Variants in TNRC6A observed in about 807,000 individuals in gnomAD.
TNRC6A encodes the protein trinucleotide repeat containing adaptor 6A.
Under a neutral mutation model 221.2 loss-of-function variants are expected in TNRC6A, and 44 were observed. The observed-to-expected ratio is 0.20, with a 90% CI of 0.16 to 0.26. The LOEUF is 0.26. TNRC6A is among the 10% of genes least tolerant of loss of function. The pLI is 1.00. For synonymous variants in TNRC6A, 847 were observed against 838.5 expected, an observed-to-expected ratio of 1.01 and a Z score of -0.18; for missense variants, 2,199 against 2,404.4, an observed-to-expected ratio of 0.91 and a Z score of 1.79.
chr16:24,648,373 C>A (rs568224531), intron 2 of TNRC6A, among the ~76,000 whole-genome samples: 4 of 150,172 alleles, frequency 2.7e-5, no homozygotes, highest in African/African-American at 9.8e-5. Flanking sequence ...CCAGTTCAAG[C>A]GATTCTCCTG....
chr16:24,743,449 T>A (rs1006027347), intron 2 of TNRC6A, among the ~76,000 whole-genome samples: 1 of 152,012 alleles, frequency 6.6e-6, no homozygotes, highest in Non-Finnish European at 1.5e-5. Context: ...CCTCATCCTC[T>A]CGAGTAGTTG....
At chr16:24,778,585 C>A in intron 5 of TNRC6A, 1 of 711,938 alleles carries the variant, frequency 1.4e-6, no homozygotes, top group Non-Finnish European at 1.7e-6. Flanking sequence ...TGAGCTTGGC[C>A]ATAACACATC....
At chr16:24,737,361 TA>T (rs1050078538) in intron 2 of TNRC6A, among the ~76,000 whole-genome samples, 1 of 151,782 alleles carries the variant, frequency 6.6e-6, no homozygotes, top group African/African-American at 2.4e-5. Flanking sequence ...CTTTCCATCT[TA>T]AAAAAAAGCC....
At chr16:24,633,540 G>A (rs1469439152) in intron 1 of TNRC6A, among the ~76,000 whole-genome samples, 3 of 151,926 alleles carry the variant, frequency 2.0e-5, no homozygotes, top group Non-Finnish European at 4.4e-5. Flanking sequence ...GATTACAGGC[G>A]TGTGCCACCA....
In TNRC6A at chr16:24,687,568, G is replaced by A. The variant is rs568305171; in HGVS notation, n.402+46559G>A. ...CTTTGGGAGGCCAAAGCAGGAGGAT[G>A]TCTTGAGTCCAGAGGTTCAACATTA... is the stretch of plus-strand genomic sequence containing the variant. On this transcript the variant is annotated intron_variant and non_coding_transcript_variant, in intron 2 of 2. Coordinates refer to the TNRC6A transcript ENST00000566108. 1.6e-3 allele frequency among the ~76,000 whole-genome samples: 245 copies of A among 152,276 alleles called. 3 individuals carry two copies. The highest frequency in any genetic ancestry group is 1.5e-3 in the East Asian group (8 of 5,172).
At chr16:24,718,720 G>A (rs1176374120) in intron 2 of TNRC6A, among the ~76,000 whole-genome samples, 1 of 152,062 alleles carries the variant, frequency 6.6e-6, no homozygotes, top group Non-Finnish European at 1.5e-5. Flanking sequence ...CCTCTTTGGT[G>A]GTGATGTGGA....
chr16:24,803,939 C>A, intron 11 of TNRC6A: 1 of 402,666 alleles, frequency 2.5e-6, no homozygotes, highest in Non-Finnish European at 4.3e-6. Context: ...CAGCCAGCCA[C>A]CTTCTGTTTA....
chr16:24,622,326 T>G (rs1475603060), intron 1 of TNRC6A, among the ~76,000 whole-genome samples: 1 of 152,122 alleles, frequency 6.6e-6, no homozygotes, highest in African/African-American at 2.4e-5. Context: ...GAAGGCCAGG[T>G]GCTGTGGCTC....
At chr16:24,745,803 C>CT (rs1039608138) in intron 2 of TNRC6A, among the ~76,000 whole-genome samples, 6 of 148,230 alleles carry the variant, frequency 4.0e-5, no homozygotes, top group African/African-American at 1.5e-4. Context: ...CATCCCCCCC[C>CT]CCCCCAGCTA....
chr16:24,821,518 C>G (rs2058765395), intron 22 of TNRC6A, among the ~76,000 whole-genome samples: 1 of 152,106 alleles, frequency 6.6e-6, no homozygotes, highest in Non-Finnish European at 1.5e-5. Flanking sequence ...TTCCCAGCAC[C>G]TGAAGTGTTT....
chr16:24,695,808 G>C (rs1033060693), intron 2 of TNRC6A, among the ~76,000 whole-genome samples: 1 of 152,138 alleles, frequency 6.6e-6, no homozygotes, highest in Non-Finnish European at 1.5e-5. Context: ...TTTCAGCCCT[G>C]GTGGTTAATT....
At chr16:24,822,831 C>A (rs533149684) in intron 23 of TNRC6A, 43 bp from the exon 24 acceptor site, 4 of 1,610,912 alleles carry the variant, frequency 2.5e-6, no homozygotes, top group Non-Finnish European at 3.4e-6. Context: ...CTGGAGGGCC[C>A]GCGGTGACGC....
At position 24,791,592 on chromosome 16, in the gene TNRC6A, C is replaced by G; in HGVS notation, c.2950C>G (p.Pro984Ala). Reference sequence around the variant, plus strand: ...ACCAGCCCCAGCAAAAGAAGAAGAACCCACAGGCTGGGAGGAACCATCCCC... The same window carrying G: ...ACCAGCCCCAGCAAAAGAAGAAGAAGCCACAGGCTGGGAGGAACCATCCCC... ...PIPAPAKEEEPTGWEEPSPES... is the reference protein window; with the variant it reads ...PIPAPAKEEEATGWEEPSPES... The change falls in exon 6 of 25, where the codon CCC (proline) becomes GCC (alanine). Residue 984 changes from proline (P) to alanine (A), a missense_variant. Coordinates refer to ENST00000395799, the MANE Select transcript of TNRC6A (RefSeq NM_014494.4). 1.3e-6 allele frequency: 2 copies of G among 1,587,558 alleles called. No homozygotes were observed. The highest frequency in any genetic ancestry group is 1.7e-6 in the Non-Finnish European group (2 of 1,169,288).
At chr16:24,776,762 A>G in intron 4 of TNRC6A, 171 bp from the exon 5 acceptor site, 1 of 985,420 alleles carries the variant, frequency 1.0e-6, no homozygotes, top group Non-Finnish European at 1.2e-6. Flanking sequence ...GACTCTTGGC[A>G]GTGACATCTC....
intron 6 of TNRC6A, chr16:24,793,238 C>T (rs886277945): frequency 3.2e-6 from 1 of 310,862 alleles, no homozygotes; most frequent in Non-Finnish European, 5.8e-6. Context: ...AGCTCTAGGT[C>T]TAGAGGGTAA....
intron 2 of TNRC6A, among the ~76,000 whole-genome samples, chr16:24,711,491 G>A (rs2056205271): frequency 6.6e-6 from 1 of 151,956 alleles, no homozygotes; most frequent in Non-Finnish European, 1.5e-5. Context: ...CCCTTCCCCT[G>A]CAATCTCCCC....
chr16:24,627,042 C>A (rs1901055938), intron 1 of TNRC6A, among the ~76,000 whole-genome samples: 1 of 151,330 alleles, frequency 6.6e-6, no homozygotes, highest in African/African-American at 2.4e-5. Flanking sequence ...GATGAGAATT[C>A]CATAAAGTTC....
chr16:24,822,861 C>T lies in TNRC6A; in HGVS notation c.5374-13C>T. The T allele has an allele frequency of 6.2e-7, 1 of 1,612,862 alleles. No individual in the cohort carries two copies. The highest frequency in any genetic ancestry group is 8.5e-7 in the Non-Finnish European group (1 of 1,179,886). ...TGACGCCTCTCACTGGCAGTTTCCACACTGTTTCCTAGATCGATGGCTCAA... is the reference window on the plus strand; with the variant it reads ...TGACGCCTCTCACTGGCAGTTTCCATACTGTTTCCTAGATCGATGGCTCAA... On this transcript the variant is annotated splice_polypyrimidine_tract_variant and intron_variant, in intron 23 of 24. Coordinates refer to ENST00000395799, the MANE Select transcript of TNRC6A (RefSeq NM_014494.4).
chr16:24,707,689 A>T (rs1248527092), intron 2 of TNRC6A, among the ~76,000 whole-genome samples: 2 of 152,234 alleles, frequency 1.3e-5, no homozygotes, highest in Non-Finnish European at 2.9e-5. Flanking sequence ...AAAACACACA[A>T]AAAATTTCTC....
Sources: gnomAD v4.1 joint callset for allele counts (sites outside exome capture counted in the v4.1 genomes callset) on GRCh38, gnomAD v4.1.1 for gene constraint, MANE v1.5 for transcripts, NCBI Gene and HGNC (gene_info 2026-07-23, HGNC 2026-07-21) for gene names.